Variants in DNM3 observed in about 807,000 individuals in gnomAD.
DNM3 encodes dynamin-3.
A neutral mutation model predicts 101.6 loss-of-function variants in DNM3; 47 were observed. The ratio of observed to expected loss-of-function variants is 0.46; its 90% CI spans 0.37 to 0.59. The LOEUF (loss-of-function observed/expected upper bound fraction) is 0.59, where lower values mean the gene tolerates loss of function less well. DNM3 is among the 20% of genes least tolerant of loss of function. DNM3 has a pLI of 0.00. For synonymous variants in DNM3, 385 were observed against 387.9 expected, an observed-to-expected ratio of 0.99 and a Z score of 0.09; for missense variants, 849 against 1,085.7, an observed-to-expected ratio of 0.78 and a Z score of 3.06.
intron 17 of DNM3, among the ~76,000 whole-genome samples, chr1:172,375,501 T>C (rs528024395): frequency 1.2e-4 from 18 of 152,150 alleles, no homozygotes; most frequent in African/African-American, 3.6e-4. Flanking sequence ...TACGTTACCA[T>C]GGTAACAGTG....
At chr1:172,303,706 G>A (rs1166881613) in intron 15 of DNM3, among the ~76,000 whole-genome samples, 1 of 152,200 alleles carries the variant, frequency 6.6e-6, no homozygotes, top group African/African-American at 2.4e-5. Flanking sequence ...CAAGCCAGAA[G>A]AGAGTGGGAG....
intron 1 of DNM3, among the ~76,000 whole-genome samples, chr1:171,916,155 T>A (rs1481367963): frequency 6.6e-6 from 1 of 152,152 alleles, no homozygotes; most frequent in East Asian, 1.9e-4. Context: ...AGAAAAATGG[T>A]CAAGAGCACA....
intron 15 of DNM3, among the ~76,000 whole-genome samples, chr1:172,300,205 A>G (rs1266271236): frequency 2.0e-5 from 3 of 151,742 alleles, no homozygotes; most frequent in Non-Finnish European, 4.4e-5. Context: ...GTGTCTGTTC[A>G]TGTCCTTTGC....
intron 15 of DNM3, among the ~76,000 whole-genome samples, chr1:172,294,883 G>C (rs1270362114): frequency 6.9e-6 from 1 of 145,570 alleles, no homozygotes; most frequent in Non-Finnish European, 1.5e-5. Context: ...CTGCACTACA[G>C]CCTGGGCAAC....
chr1:172,285,266 C>G (rs564867072), intron 15 of DNM3, among the ~76,000 whole-genome samples: 1 of 152,252 alleles, frequency 6.6e-6, no homozygotes, highest in East Asian at 1.9e-4. Context: ...CCTCCCCAAA[C>G]GAATCACTCT....
chr1:172,010,682 TTGTG>T (rs59701730), intron 4 of DNM3, among the ~76,000 whole-genome samples: 16,539 of 112,580 alleles, frequency 0.15, 1,284 homozygotes, highest in African/African-American at 0.2. Flanking sequence ...TTGGTATGTT[TTGTG>T]TGTGTGTGTG....
chr1:172,283,221 A>G (rs1277494316), intron 15 of DNM3, among the ~76,000 whole-genome samples: 3 of 152,128 alleles, frequency 2.0e-5, no homozygotes, highest in Non-Finnish European at 2.9e-5. Context: ...CATCTTGCAG[A>G]TATCTTCCCT....
chr1:172,161,048 T>A (rs542066908), intron 14 of DNM3, among the ~76,000 whole-genome samples: 1 of 152,064 alleles, frequency 6.6e-6, no homozygotes, highest in African/African-American at 2.4e-5. Context: ...TGTAAATCAA[T>A]ACCAGTTTAT....
At chr1:172,360,544 G>A (rs181885733) in intron 17 of DNM3, among the ~76,000 whole-genome samples, 2 of 151,954 alleles carry the variant, frequency 1.3e-5, no homozygotes, top group East Asian at 3.9e-4. Context: ...AAATATTCAA[G>A]CTCTCCCTTT....
chr1:171,909,628 C>A (rs979712319), intron 1 of DNM3, among the ~76,000 whole-genome samples: 1 of 152,280 alleles, frequency 6.6e-6, no homozygotes, highest in Middle Eastern at 3.4e-3. Flanking sequence ...CATACCACCT[C>A]TTCTCTCTTG....
intron 15 of DNM3, among the ~76,000 whole-genome samples, chr1:172,254,409 A>G (rs2062317246): frequency 6.6e-6 from 1 of 152,208 alleles, no homozygotes; most frequent in South Asian, 2.1e-4. Context: ...CAGGGAATAG[A>G]ATTATTCAGT....
intron 13 of DNM3, among the ~76,000 whole-genome samples, chr1:172,111,295 T>A (rs992194736): frequency 6.6e-6 from 1 of 152,200 alleles, no homozygotes; most frequent in African/African-American, 2.4e-5. Flanking sequence ...GGTGTTGATA[T>A]TGCCCTTGAT....
At chr1:171,906,311 A>G (rs1320369992) in intron 1 of DNM3, among the ~76,000 whole-genome samples, 5 of 151,786 alleles carry the variant, frequency 3.3e-5, no homozygotes, top group Admixed American at 6.6e-5. Flanking sequence ...AATTTTTTGT[A>G]TAGATGGAGT....
At chr1:172,418,214 G>A in intron 20 of DNM3, 1 of 1,203,902 alleles carries the variant, frequency 8.3e-7, no homozygotes, top group Non-Finnish European at 1.1e-6. Context: ...TTTAAACATT[G>A]TTTTCTTCCT....
intron 14 of DNM3, among the ~76,000 whole-genome samples, chr1:172,245,725 T>G (rs2061925871): frequency 6.6e-6 from 1 of 152,130 alleles, no homozygotes; most frequent in East Asian, 1.9e-4. Context: ...ACCATAAGGT[T>G]CCAGCCAGAC....
intron 13 of DNM3, among the ~76,000 whole-genome samples, chr1:172,124,758 G>C (rs1435285849): frequency 6.6e-6 from 1 of 152,124 alleles, no homozygotes; most frequent in Non-Finnish European, 1.5e-5. Flanking sequence ...CCTAGGCCTG[G>C]CTCTGACAGG....
intron 13 of DNM3, among the ~76,000 whole-genome samples, chr1:172,097,314 C>T (rs1234192542): frequency 2.0e-5 from 3 of 151,848 alleles, no homozygotes; most frequent in Non-Finnish European, 2.9e-5. Flanking sequence ...GCAGGAGAAT[C>T]ACTTGAACTC....
Position 172,117,432 on chromosome 1 carries a change from CT to C in DNM3, c.1546-13740del, listed in dbSNP as rs535334020. Among the ~76,000 whole-genome samples the C allele has an allele frequency of 2.0e-5, 3 of 152,100 alleles. No homozygotes were observed. The South Asian group carries it at 6.2e-4, about 32-fold the overall frequency. ...AGGTAATTGAATCATTGGGGCCAGT[CT>C]TTCCCGTCCTATTCTCATGATAGTG... On this transcript the variant is annotated intron_variant, in intron 13 of 20. Transcript: ENST00000627582.
intron 14 of DNM3, among the ~76,000 whole-genome samples, chr1:172,231,377 G>T (rs2061330790): frequency 6.6e-6 from 1 of 152,158 alleles, no homozygotes; most frequent in Non-Finnish European, 1.5e-5. Context: ...ACCTTCAGCT[G>T]AGGGTCCTGA....
Sources: allele counts gnomAD v4.1 joint callset (sites outside exome capture counted in the v4.1 genomes callset), GRCh38; gene constraint gnomAD v4.1.1; transcripts MANE v1.5; gene names NCBI Gene and HGNC (gene_info 2026-07-23, HGNC 2026-07-21).